Variants in ARL6 observed in about 807,000 individuals in gnomAD.
ARL6 encodes the protein ADP-ribosylation factor-like protein 6.
ARL6 carries 18 observed loss-of-function variants against 27.1 expected under a neutral mutation model. The observed-to-expected ratio is 0.66, with a 90% confidence interval of 0.46 to 0.98. The LOEUF (loss-of-function observed/expected upper bound fraction) is 0.98, where lower values mean the gene tolerates loss of function less well. Among genes scored for constraint, ARL6 ranks in the 50% least tolerant of loss-of-function variants. The probability of loss-of-function intolerance (pLI) is 0.00; values close to 1 mark genes in which losing one functional copy is unlikely to be tolerated. For missense variants in ARL6, 187 were observed against 214.9 expected, an observed-to-expected ratio of 0.87 and a Z score of 0.81; for synonymous variants, 65 against 72.3, an observed-to-expected ratio of 0.90 and a Z score of 0.51.
chr3:97,781,011 T>A (rs185050008), intron 4 of ARL6, among the ~76,000 whole-genome samples: 12 of 152,262 alleles, frequency 7.9e-5, no homozygotes, highest in African/African-American at 2.9e-4. Context: ...TCTGCCCAGT[T>A]ATTTTGTCCT....
chr3:97,792,450 T>C (rs1034780567), intron 7 of ARL6, among the ~76,000 whole-genome samples: 6 of 152,042 alleles, frequency 3.9e-5, no homozygotes, highest in Non-Finnish European at 8.8e-5. Context: ...GCCACAGCAC[T>C]CCAGCCTGGC....
At chr3:97,789,905 GAGA>G (rs2037639667) in intron 6 of ARL6, among the ~76,000 whole-genome samples, 1 of 149,934 alleles carries the variant, frequency 6.7e-6, no homozygotes, top group Non-Finnish European at 1.5e-5. Context: ...GAAGATCCTA[GAGA>G]AGTATAGTCT....
In ARL6 at chr3:97,800,260, A is replaced by C. The variant is rs957369602; in HGVS notation, c.*2211A>C. 8 of 152,190 alleles carry C rather than the reference A, an allele frequency of 5.3e-5. No individual in the cohort carries two copies. The highest frequency in any genetic ancestry group is 1.9e-4 in the African/African-American group (8 of 41,468). 9.4% of individuals were successfully genotyped at this position (152,190 alleles called of 1,614,324 possible). A position where few individuals can be genotyped will look rare whatever the true frequency, so the allele number is the denominator to read the frequency against. ...ACATTTTCATGTAAAGATTATGTAG[A>C]AGTTGGGCAACAGTGTAGTCACAGG... is the stretch of plus-strand genomic sequence containing the variant. On this transcript the variant is annotated 3_prime_UTR_variant, in exon 8 of 8. Coordinates refer to ENST00000463745, the MANE Select transcript of ARL6 (RefSeq NM_001278293.3).
chr3:97,795,095 T>G (rs552352122), intron 7 of ARL6, among the ~76,000 whole-genome samples: 3 of 152,090 alleles, frequency 2.0e-5, no homozygotes, highest in East Asian at 3.9e-4. Context: ...AAAAATAAAG[T>G]TTAAGGTTAG....
intron 2 of ARL6, among the ~76,000 whole-genome samples, chr3:97,769,087 T>C (rs1241833181): frequency 3.3e-5 from 5 of 152,098 alleles, no homozygotes; most frequent in African/African-American, 1.2e-4. Context: ...TGATAGGAAA[T>C]GCCTTGCAAA....
chr3:97,775,354 G>A (rs1024477941), intron 2 of ARL6, among the ~76,000 whole-genome samples: 2 of 152,284 alleles, frequency 1.3e-5, no homozygotes, highest in Middle Eastern at 3.4e-3. Flanking sequence ...AAACCGGTCC[G>A]AGTCCCAAAA....
chr3:97,789,024 A>G (rs1266563664), intron 6 of ARL6, among the ~76,000 whole-genome samples: 4 of 152,112 alleles, frequency 2.6e-5, no homozygotes, highest in African/African-American at 9.7e-5. Flanking sequence ...AGAAGGGTGA[A>G]CTAGAATATG....
intron 2 of ARL6, among the ~76,000 whole-genome samples, chr3:97,769,142 G>A (rs1396884800): frequency 6.6e-6 from 1 of 152,022 alleles, no homozygotes. Context: ...TCTCATTTTT[G>A]TGGATAAAAT....
At chr3:97,787,476 A>G (rs1029508241) in intron 5 of ARL6, among the ~76,000 whole-genome samples, 8 of 152,144 alleles carry the variant, frequency 5.3e-5, no homozygotes, top group Non-Finnish European at 1.2e-4. Context: ...GCCATTTTGT[A>G]TCTTCTGAAT....
At chr3:97,777,895 T>A (rs1221322886) in intron 2 of ARL6, among the ~76,000 whole-genome samples, 2 of 152,218 alleles carry the variant, frequency 1.3e-5, no homozygotes, top group Non-Finnish European at 2.9e-5. Context: ...AATTTATGAA[T>A]TTTATTCCTA....
intron 4 of ARL6, among the ~76,000 whole-genome samples, chr3:97,781,942 A>T (rs1019801423): frequency 4.6e-5 from 7 of 152,084 alleles, no homozygotes; most frequent in Non-Finnish European, 1.0e-4. Context: ...ATTAAATGGT[A>T]TATATTTGGG....
chr3:97,776,904 C>T (rs1426876284), intron 2 of ARL6, among the ~76,000 whole-genome samples: 2 of 152,208 alleles, frequency 1.3e-5, no homozygotes, highest in Non-Finnish European at 2.9e-5. Context: ...GGTGACCTAC[C>T]CGCCTTGCCC....
At chr3:97,794,833 C>G (rs545169106) in intron 7 of ARL6, among the ~76,000 whole-genome samples, 1 of 152,142 alleles carries the variant, frequency 6.6e-6, no homozygotes, top group African/African-American at 2.4e-5. Context: ...TGCCAGTAAT[C>G]CCAGCACTTT....
At position 97,788,014 on chromosome 3, in the gene ARL6, T is replaced by C. The variant is rs2037542302; in HGVS notation, c.374T>C (p.Ile125Thr). The C allele has an allele frequency of 6.2e-7, 1 of 1,613,348 alleles. No individual in the cohort carries two copies. The highest frequency in any genetic ancestry group is 8.5e-7 in the Non-Finnish European group (1 of 1,179,498). Residue 125 changes from isoleucine (I) to threonine (T), a missense_variant, in exon 6 of 8, where the codon ATC becomes ACC. Ile to Thr is a moderately conservative substitution (Grantham distance 89). Coordinates refer to ENST00000463745, the MANE Select transcript of ARL6 (RefSeq NM_001278293.3). ...HPDIKHRRIP[I>T]LFFANKMDLR... ...GATATTAAACACCGTCGAATTCCAA[T>C]CTTATTCTTTGCAAATAAAATGGAT...
chr3:97,776,942 A>C (rs895030983), intron 2 of ARL6, among the ~76,000 whole-genome samples: 10 of 152,244 alleles, frequency 6.6e-5, no homozygotes, highest in African/African-American at 2.2e-4. Flanking sequence ...TACAGGCGTG[A>C]GCCTCCGTGC....
At chr3:97,780,751 G>A in intron 4 of ARL6, 68 bp downstream of exon 4, 2 of 1,231,448 alleles carry the variant, frequency 1.6e-6, no homozygotes, top group Non-Finnish European at 2.4e-6. Flanking sequence ...GAAATCCAAA[G>A]AATTATATGG....
Position 97,780,149 on chromosome 3 carries a change from T to C in ARL6, c.124-10T>C. 6.2e-7 allele frequency: 1 copy of C among 1,609,964 alleles called. No homozygotes were observed. The highest frequency in any genetic ancestry group is 2.2e-5 in the East Asian group (1 of 44,690). The stretch of plus-strand genomic sequence containing the variant: ...TTGTAAATTTCTGAACTTTGTCTTT[T>C]CTCTTAAAGGCTCAATCTCAAAATA... On this transcript the variant is annotated splice_polypyrimidine_tract_variant and intron_variant, in intron 2 of 7. Coordinates refer to ENST00000463745, the MANE Select transcript of ARL6 (RefSeq NM_001278293.3).
At position 97,784,939 on chromosome 3, in the gene ARL6, T is replaced by C. The variant is rs749869845; in HGVS notation, c.255-16T>C. On this transcript the variant is annotated splice_polypyrimidine_tract_variant and intron_variant, in intron 4 of 7. Transcript: ENST00000463745. ...TAAGTAAAGCTTTAATTTTTCTTTT[T>C]CTTTACATTACACAGAGAAGGCCAA... 6.3e-7 allele frequency: 1 copy of C among 1,590,270 alleles called. No individual in the cohort carries two copies. Among genetic ancestry groups the C allele is most frequent in the Non-Finnish European group, 8.6e-7 (1 of 1,159,104 alleles).
At chr3:97,779,366 G>A (rs898819695) in intron 2 of ARL6, among the ~76,000 whole-genome samples, 20 of 152,104 alleles carry the variant, frequency 1.3e-4, no homozygotes, top group African/African-American at 4.1e-4. Context: ...CCCCTACTCA[G>A]AGAGACCATT....
Sources: gnomAD v4.1 joint callset for allele counts (sites outside exome capture counted in the v4.1 genomes callset) on GRCh38, gnomAD v4.1.1 for gene constraint, MANE v1.5 for transcripts, NCBI Gene and HGNC (gene_info 2026-07-23, HGNC 2026-07-21) for gene names.